Variants in RPL7A observed in about 807,000 individuals in gnomAD.
RPL7A encodes large ribosomal subunit protein eL8.
For missense variants in RPL7A, 291 were observed against 338.2 expected (o/e 0.86, Z 1.09); for synonymous variants, 158 against 128.2 (o/e 1.23, Z -1.57).
chr9:133,349,229 C>T (rs2129984335), intron 2 of RPL7A, among the ~76,000 whole-genome samples, 187 bp downstream of exon 2: 22 of 152,316 alleles, frequency 1.4e-4, no homozygotes, highest in African/African-American at 5.3e-4. Context: ...AGCGAGCATT[C>T]AGCTCAATAT....
At position 133,349,992 on chromosome 9, in the gene RPL7A, G is replaced by A. The variant is rs2129990446; in HGVS notation, c.355G>A (p.Glu119Lys). Residue 119 changes from glutamate to lysine, a missense_variant, in exon 4 of 8, where the codon GAG becomes AAG. Coordinates refer to ENST00000323345, the MANE Select transcript of RPL7A (RefSeq NM_000972.3). ...GAAGCAGAGACTGTTGGCCCGGGCC[G>A]AGAAGAAGGCTGCTGGCAAAGGGGA... is the stretch of plus-strand genomic sequence containing the variant. ...EKKQRLLARAEKKAAGKGDVP... is the reference protein window; with the variant it reads ...EKKQRLLARAKKKAAGKGDVP... The A allele has an allele frequency of 1.7e-5, 28 of 1,612,460 alleles. No individual in the cohort carries two copies. Among genetic ancestry groups the A allele is most frequent in the Non-Finnish European group, 2.1e-5 (25 of 1,179,892 alleles).
intron 5 of RPL7A, 136 bp from the exon 6 acceptor site, chr9:133,350,461 A>G (rs2129993851): frequency 4.2e-5 from 64 of 1,523,148 alleles, no homozygotes; most frequent in East Asian, 1.6e-4. Context: ...GGCTCTTGCA[A>G]TGATGTGAAT....
Position 133,351,027 on chromosome 9 carries a change from C to G in RPL7A, c.652C>G (p.Leu218Val). The G allele has an allele frequency of 6.2e-7, 1 of 1,614,112 alleles. No homozygotes were observed. The highest frequency in any genetic ancestry group is 8.5e-7 in the Non-Finnish European group (1 of 1,180,014). Reference sequence around the variant, plus strand: ...GGAAGACAAAGGCGCTTTGGCTAAGCTGGTGGAAGCTATCAGGACCAATTA... The same window carrying G: ...GGAAGACAAAGGCGCTTTGGCTAAGGTGGTGGAAGCTATCAGGACCAATTA... ...NSEDKGALAK[L>V]VEAIRTNYND... The change falls in exon 7 of 8, where the codon CTG becomes GTG. Residue 218 changes from leucine to valine, a missense_variant. Coordinates refer to ENST00000323345, the MANE Select transcript of RPL7A (RefSeq NM_000972.3).
At position 133,349,551 on chromosome 9, in the gene RPL7A, G is replaced by A; in HGVS notation, c.125G>A (p.Gly42Glu). The A allele has an allele frequency of 6.2e-7, 1 of 1,614,042 alleles. No homozygotes were observed. The highest frequency in any genetic ancestry group is 8.5e-7 in the Non-Finnish European group (1 of 1,180,006). ...CTCGGTGTCACCCTTTACTTCTCAG[G>A]ACAGGACATCCAGCCCAAAAGAGAC... The part of the protein sequence containing the change: ...FEKRPKNFGI[G>E]QDIQPKRDLT... Residue 42 changes from glycine (G) to glutamate (E), a missense_variant and splice_region_variant, in exon 3 of 8, where the codon GGA (glycine) becomes GAA (glutamate). Physicochemically the swap from Gly to Glu is moderately conservative, Grantham distance 98 (BLOSUM62 -2). Coordinates refer to ENST00000323345, the MANE Select transcript of RPL7A (RefSeq NM_000972.3).
In RPL7A at chr9:133,349,014, T is replaced by G; in HGVS notation, c.96T>G (p.Phe32Leu). 1 of 1,614,042 alleles carries G rather than the reference T, an allele frequency of 6.2e-7. No individual in the cohort carries two copies. The highest frequency in any genetic ancestry group is 8.5e-7 in the Non-Finnish European group (1 of 1,180,000). The change falls in exon 2 of 8, where the codon TTT becomes TTG. Residue 32 changes from phenylalanine to leucine, a missense_variant. Coordinates refer to ENST00000323345, the MANE Select transcript of RPL7A (RefSeq NM_000972.3). ...QEAKKVVNPL[F>L]EKRPKNFGIG... ...CTAAGAAAGTGGTGAATCCCCTGTTTGAGAAAAGGCCTAAGAATTTTGGCA... is the reference window on the plus strand; with the variant it reads ...CTAAGAAAGTGGTGAATCCCCTGTTGGAGAAAAGGCCTAAGAATTTTGGCA...
intron 1 of RPL7A, 55 bp from the exon 2 acceptor site, chr9:133,348,867 C>T (rs2129981680): frequency 1.2e-5 from 19 of 1,612,658 alleles, no homozygotes; most frequent in Non-Finnish European, 1.5e-5. Flanking sequence ...CTGAGCCCTA[C>T]CCCCGACGAA....
At chr9:133,348,632 CAGA>C (rs1197323160) in intron 1 of RPL7A, 8 of 647,178 alleles carry the variant, frequency 1.2e-5, no homozygotes, top group Middle Eastern at 4.0e-4. Context: ...GGCCGCGACT[CAGA>C]GGAGTCATGA....
At position 133,351,386 on chromosome 9, in the gene RPL7A, C is replaced by G. The variant is rs2129999975; in HGVS notation, c.*20C>G. 6.6e-7 allele frequency: 1 copy of G among 1,505,258 alleles called. No homozygotes were observed. Among genetic ancestry groups the G allele is most frequent in the Non-Finnish European group, 9.2e-7 (1 of 1,087,858 alleles). The allele number at this position is 1,505,258 out of a possible 1,614,324, so 93.2% of individuals were successfully genotyped here. A position where few individuals can be genotyped will look rare whatever the true frequency, so the allele number is the denominator to read the frequency against. ...GGTTAAATGTACACTGTTGAGTTTT[C>G]TGTACATAAAAATAATTGAAATAAT... On this transcript the variant is annotated 3_prime_UTR_variant, in exon 8 of 8. Coordinates refer to ENST00000323345, the MANE Select transcript of RPL7A (RefSeq NM_000972.3).
chr9:133,350,914 A>G lies in RPL7A; in HGVS notation c.627-88A>G, dbSNP rs2129996898. 6.5e-6 allele frequency: 10 copies of G among 1,528,318 alleles called. No individual in the cohort carries two copies. In the Admixed American group the frequency reaches 1.5e-4, roughly 23 times the overall value. The allele number at this position is 1,528,318 out of a possible 1,614,324, so 94.7% of individuals were successfully genotyped here. On this transcript the variant is annotated intron_variant, in intron 6 of 7. Transcript: ENST00000323345. ...TGGTCAGCATTGCATCTGAGGCAAA[A>G]GACTGTCTTGAGCTAAAAGGTATTT...
chr9:133,348,729 GC>G, intron 1 of RPL7A, 192 bp from the exon 2 acceptor site: 2 of 854,936 alleles, frequency 2.3e-6, no homozygotes, highest in East Asian at 5.3e-5. Flanking sequence ...GGTTCCCGGG[GC>G]TGCATGCTTG....
At position 133,349,595 on chromosome 9, in the gene RPL7A, T is replaced by C. The variant is rs1836324759; in HGVS notation, c.169T>C (p.Trp57Arg). 2 of 1,613,972 alleles carry C rather than the reference T, an allele frequency of 1.2e-6. No individual in the cohort carries two copies. Among genetic ancestry groups the C allele is most frequent in the Admixed American group, 3.3e-5 (2 of 60,002 alleles). Residue 57 changes from tryptophan (W) to arginine (R), a missense_variant, in exon 3 of 8, where the codon TGG (tryptophan) becomes CGG (arginine). By Grantham distance (101) the Trp-to-Arg change is moderately radical (BLOSUM62 -3). Transcript: ENST00000323345. ...PKRDLTRFVK[W>R]PRYIRLQRQR... is the part of the protein sequence containing the mutation. Reference sequence around the variant, plus strand: ...AAGAGACCTCACCCGCTTTGTGAAATGGCCCCGCTATATCAGGTTGCAGCG... The same window carrying C: ...AAGAGACCTCACCCGCTTTGTGAAACGGCCCCGCTATATCAGGTTGCAGCG...
chr9:133,350,462 T>G, intron 5 of RPL7A, 135 bp from the exon 6 acceptor site: 2 of 1,524,728 alleles, frequency 1.3e-6, no homozygotes, highest in East Asian at 2.2e-5. Flanking sequence ...GCTCTTGCAA[T>G]GATGTGAATC....
At chr9:133,349,347 C>A in intron 2 of RPL7A, 1 of 861,904 alleles carries the variant, frequency 1.2e-6, no homozygotes, top group Non-Finnish European at 2.0e-6. Flanking sequence ...ACCTTGGCTT[C>A]TTGTTAGATG....
At chr9:133,348,379 A>C (rs1224206674) in intron 1 of RPL7A, 133 bp downstream of exon 1, 12 of 1,274,000 alleles carry the variant, frequency 9.4e-6, no homozygotes, top group Non-Finnish European at 1.4e-5. Context: ...TGTGGCACGG[A>C]GACACCGAGG....
chr9:133,349,148 C>G, intron 2 of RPL7A, 106 bp downstream of exon 2: 1 of 1,351,774 alleles, frequency 7.4e-7, no homozygotes, highest in Non-Finnish European at 1.0e-6. Flanking sequence ...AAAGTGGTCG[C>G]AGTCCTTAAT....
In RPL7A at chr9:133,348,265, C is replaced by G. The variant is rs2129977438; in HGVS notation, c.3+19C>G. On this transcript the variant is annotated intron_variant, in intron 1 of 7. Coordinates refer to ENST00000323345, the MANE Select transcript of RPL7A (RefSeq NM_000972.3). Reference sequence around the variant, plus strand: ...CAAGATGGTGAGTGAGCTGTAGTTCCGTGGCACTATAGCCAGGTTCCGGCT... The same window carrying G: ...CAAGATGGTGAGTGAGCTGTAGTTCGGTGGCACTATAGCCAGGTTCCGGCT... 5.0e-6 allele frequency: 8 copies of G among 1,613,956 alleles called. No individual in the cohort carries two copies. In the African/African-American group the frequency reaches 5.3e-5, roughly 11 times the overall value.
Position 133,348,280 on chromosome 9 carries a change from A to G in RPL7A, c.3+34A>G, listed in dbSNP as rs181189130. The G allele has an allele frequency of 2.5e-4, 411 of 1,613,920 alleles. 2 individuals carry two copies. In the African/African-American group the frequency reaches 4.5e-3, roughly 18 times the overall value. On this transcript the variant is annotated intron_variant, in intron 1 of 7. Transcript: ENST00000323345. ...GCTGTAGTTCCGTGGCACTATAGCC[A>G]GGTTCCGGCTGTATCCGCTGCCATC...
intron 6 of RPL7A, 39 bp from the exon 7 acceptor site, chr9:133,350,963 G>C: frequency 1.2e-6 from 2 of 1,607,544 alleles, no homozygotes; most frequent in Non-Finnish European, 1.7e-6. Flanking sequence ...GGGAAACTAA[G>C]GCAAAAAACC....
At position 133,349,032 on chromosome 9, in the gene RPL7A, T is replaced by C. The variant is rs2129982814; in HGVS notation, c.114T>C (p.Asn38=). The change falls in exon 2 of 8, where the codon AAT becomes AAC. Residue 38 remains asparagine, a synonymous_variant. Coordinates refer to ENST00000323345, the MANE Select transcript of RPL7A (RefSeq NM_000972.3). The part of the protein sequence containing the change: ...VNPLFEKRPK[N]FGIGQDIQPK... Reference sequence around the variant, plus strand: ...CCCTGTTTGAGAAAAGGCCTAAGAATTTTGGCATTGGTAAGTAACAAACGG... The same window carrying C: ...CCCTGTTTGAGAAAAGGCCTAAGAACTTTGGCATTGGTAAGTAACAAACGG... 2 of 1,613,638 alleles carry C rather than the reference T, an allele frequency of 1.2e-6. No individual in the cohort carries two copies. The highest frequency in any genetic ancestry group is 1.1e-5 in the South Asian group (1 of 91,052).
Sources: gnomAD v4.1 joint callset for allele counts (sites outside exome capture counted in the v4.1 genomes callset) on GRCh38, gnomAD v4.1.1 for gene constraint, MANE v1.5 for transcripts, NCBI Gene and HGNC (gene_info 2026-07-23, HGNC 2026-07-21) for gene names.